The following NBAS variants were observed in gnomAD, a reference collection of about 807,000 sequenced individuals.
The protein encoded by NBAS is NBAS subunit of NRZ tethering complex.
NBAS carries 219 observed loss-of-function variants against 302.5 expected under a neutral mutation model. The observed-to-expected ratio is 0.72, with a 90% CI of 0.65 to 0.81. NBAS has a LOEUF of 0.81. NBAS is among the 30% of genes least tolerant of loss of function. The pLI is 0.00. For synonymous variants in NBAS, 1,118 were observed against 1,021.6 expected, an observed-to-expected ratio of 1.09 and a Z score of -1.80; for missense variants, 2,932 against 2,841.6, an observed-to-expected ratio of 1.03 and a Z score of -0.72.
chr2:15,236,185 T>C (rs1185095684), intron 45 of NBAS, among the ~76,000 whole-genome samples: 6 of 152,160 alleles, frequency 3.9e-5, no homozygotes, highest in Admixed American at 3.3e-4. Context: ...ATATGGTACC[T>C]TTGCATCATA....
At chr2:14,862,702 C>T in the NBAS span, among the ~76,000 whole-genome samples, 1 of 152,188 alleles carries the variant, frequency 6.6e-6, no homozygotes, top group Admixed American at 6.5e-5. Flanking sequence ...TTAATAAATA[C>T]TATTTTCCCA....
chr2:15,140,286 C>T, the NBAS span, among the ~76,000 whole-genome samples: 1 of 152,230 alleles, frequency 6.6e-6, no homozygotes, highest in Non-Finnish European at 1.5e-5. Flanking sequence ...CCAGAAGAGG[C>T]TCCAGACAAC....
the NBAS span, among the ~76,000 whole-genome samples, chr2:15,097,095 A>G: frequency 6.6e-6 from 1 of 152,146 alleles, no homozygotes; most frequent in Non-Finnish European, 1.5e-5. Context: ...ACCAGGGTAG[A>G]GTTAGCCTGT....
At chr2:15,187,110 G>C (rs1364226063) in intron 49 of NBAS, among the ~76,000 whole-genome samples, 1 of 152,118 alleles carries the variant, frequency 6.6e-6, no homozygotes, top group Non-Finnish European at 1.5e-5. Context: ...CATTGAAACA[G>C]CACAGGCTTT....
intron 48 of NBAS, among the ~76,000 whole-genome samples, chr2:15,212,331 T>C (rs1251439012): frequency 6.6e-6 from 1 of 152,180 alleles, no homozygotes; most frequent in Non-Finnish European, 1.5e-5. Flanking sequence ...CCCTTCCGTG[T>C]TGCCTGAGCA....
At chr2:14,900,835 C>A in the NBAS span, among the ~76,000 whole-genome samples, 2 of 152,166 alleles carry the variant, frequency 1.3e-5, no homozygotes, top group African/African-American at 2.4e-5. Flanking sequence ...GGAGACACAG[C>A]ATCAGGAAAT....
intron 9 of NBAS, among the ~76,000 whole-genome samples, chr2:15,527,800 C>T (rs1376346235): frequency 6.6e-6 from 1 of 152,086 alleles, no homozygotes; most frequent in African/African-American, 2.4e-5. Flanking sequence ...AACTGTGGTA[C>T]AAAAACAGTA....
Position 15,353,594 on chromosome 2 carries a change from T to C in NBAS, c.4048A>G (p.Ile1350Val). ...FALTHCPPSS[I>V]ELLLAASSSL... ...CTGCTAGCTGCCAAAAGAAGTTCAA[T>C]GCTGCTAGGAGGGCAATGTGTCAAA... Residue 1350 changes from isoleucine (I) to valine (V), a missense_variant, in exon 34 of 52, where the codon ATT becomes GTT. By Grantham distance (29) the Ile-to-Val change is conservative. Coordinates refer to ENST00000281513, the MANE Select transcript of NBAS (RefSeq NM_015909.4). 2 of 1,614,072 alleles carry C rather than the reference T, an allele frequency of 1.2e-6. No individual in the cohort carries two copies. The highest frequency in any genetic ancestry group is 1.7e-6 in the Non-Finnish European group (2 of 1,179,952).
At chr2:15,134,825 G>A in the NBAS span, among the ~76,000 whole-genome samples, 1 of 152,168 alleles carries the variant, frequency 6.6e-6, no homozygotes, top group South Asian at 2.1e-4. Flanking sequence ...TGTAATTTGA[G>A]AGAATTTGCA....
the NBAS span, among the ~76,000 whole-genome samples, chr2:14,986,106 G>T: frequency 6.6e-6 from 1 of 152,014 alleles, no homozygotes; most frequent in Admixed American, 6.6e-5. Flanking sequence ...TATTAACAAG[G>T]TACTATTTTG....
chr2:15,337,487 A>G (rs1423461949), intron 35 of NBAS, among the ~76,000 whole-genome samples: 1 of 152,202 alleles, frequency 6.6e-6, no homozygotes, highest in Non-Finnish European at 1.5e-5. Context: ...TAAAAAAAAG[A>G]AAAGAAAAAT....
intron 9 of NBAS, among the ~76,000 whole-genome samples, chr2:15,519,344 C>T (rs895248591): frequency 1.3e-5 from 2 of 152,192 alleles, no homozygotes; most frequent in African/African-American, 4.8e-5. Context: ...CCTTCCTTTT[C>T]TCAAACAACC....
chr2:14,787,675 T>C, the NBAS span, among the ~76,000 whole-genome samples: 1 of 152,242 alleles, frequency 6.6e-6, no homozygotes. Flanking sequence ...CTTGTAGAGT[T>C]TCTGCCAAGA....
the NBAS span, among the ~76,000 whole-genome samples, chr2:14,789,718 T>C: frequency 6.6e-6 from 1 of 152,220 alleles, no homozygotes; most frequent in African/African-American, 2.4e-5. Context: ...CACCTCTCCC[T>C]TGGCCTCTGT....
intron 35 of NBAS, among the ~76,000 whole-genome samples, chr2:15,351,761 G>A (rs1673367090): frequency 6.6e-6 from 1 of 151,940 alleles, no homozygotes; most frequent in African/African-American, 2.4e-5. Context: ...TTTCATGGGT[G>A]TTGTCTTTAT....
Position 15,286,732 on chromosome 2 carries a change from T to C in NBAS, c.5138+341A>G, listed in dbSNP as rs116787588. 5.2e-3 allele frequency among the ~76,000 whole-genome samples: 788 copies of C among 152,356 alleles called. 4 individuals carry two copies. The highest frequency in any genetic ancestry group is 0.016 in the African/African-American group (674 of 41,574). On this transcript the variant is annotated intron_variant, in intron 42 of 51. Transcript: ENST00000281513. ...ATTACACAGTACTTATCAGTTTTAATTTCACATTTGCCTATGTCATTATTC... is the reference window on the plus strand; with the variant it reads ...ATTACACAGTACTTATCAGTTTTAACTTCACATTTGCCTATGTCATTATTC...
chr2:15,443,305 T>C (rs934511366), intron 21 of NBAS, among the ~76,000 whole-genome samples: 5 of 150,624 alleles, frequency 3.3e-5, no homozygotes, highest in African/African-American at 1.2e-4. Context: ...TTATCCACCA[T>C]GATCAAGTGG....
At chr2:14,904,439 A>G in the NBAS span, among the ~76,000 whole-genome samples, 3 of 152,230 alleles carry the variant, frequency 2.0e-5, no homozygotes, top group Non-Finnish European at 2.9e-5. Flanking sequence ...GGCAGGAAGC[A>G]TCCAGCACGG....
intron 31 of NBAS, among the ~76,000 whole-genome samples, chr2:15,373,377 C>A (rs1401525366): frequency 9.2e-6 from 1 of 108,824 alleles, no homozygotes; most frequent in Admixed American, 9.8e-5. Flanking sequence ...GTTGCCTAGG[C>A]CGGAATGCAA....
Sources: allele counts gnomAD v4.1 joint callset (sites outside exome capture counted in the v4.1 genomes callset), GRCh38; gene constraint gnomAD v4.1.1; transcripts MANE v1.5; gene names NCBI Gene and HGNC (gene_info 2026-07-23, HGNC 2026-07-21).